DGKG: variants seen among roughly 807,000 people sequenced by gnomAD.
DGKG encodes DAG kinase gamma.
Under a neutral mutation model 105.3 loss-of-function variants are expected in DGKG, and 78 were observed. The ratio of observed to expected loss-of-function variants is 0.74; its 90% confidence interval spans 0.62 to 0.89. The LOEUF is 0.89. Among genes scored for constraint, DGKG ranks in the 40% least tolerant of loss-of-function variants. DGKG has a pLI of 0.00. For synonymous variants in DGKG, 346 were observed against 367.1 expected (o/e 0.94, Z 0.66); for missense variants, 958 against 1,020.1 (o/e 0.94, Z 0.83).
intron 24 of DGKG, chr3:186,158,328 C>T: frequency 1.1e-6 from 1 of 927,164 alleles, no homozygotes; most frequent in Non-Finnish European, 1.3e-6. Flanking sequence ...ATAGTTTAGG[C>T]TATATTCTAT....
Position 186,279,832 on chromosome 3 carries a change from C to A in DGKG, c.792+19G>T. On this transcript the variant is annotated intron_variant, in intron 9 of 24. Transcript: ENST00000265022. Reference sequence around the variant, plus strand: ...TCCTGAATGGCAAGAGATCTCTGAACTCCAGCTTGTTGACTTACAGAGTCA... The same window carrying A: ...TCCTGAATGGCAAGAGATCTCTGAAATCCAGCTTGTTGACTTACAGAGTCA... The A allele has an allele frequency of 6.2e-7, 1 of 1,610,942 alleles. No homozygotes were observed. Among genetic ancestry groups the A allele is most frequent in the Admixed American group, 1.7e-5 (1 of 59,334 alleles).
In DGKG at chr3:186,348,520, C is replaced by T. The variant is rs553637253; in HGVS notation, c.-249+13426G>A. On this transcript the variant is annotated intron_variant, in intron 1 of 24. Transcript: ENST00000265022. ...AGGCTGGAGTGCAGTGCTGTGATCACGGCTCACTGCAGTCTGCACCTCTTG... is the reference window on the plus strand; with the variant it reads ...AGGCTGGAGTGCAGTGCTGTGATCATGGCTCACTGCAGTCTGCACCTCTTG... Among the ~76,000 whole-genome samples the T allele has an allele frequency of 1.7e-3, 253 of 146,210 alleles. 2 individuals are homozygous for T. Among genetic ancestry groups the T allele is most frequent in the African/African-American group, 6.4e-3 (245 of 38,402 alleles).
intron 7 of DGKG, among the ~76,000 whole-genome samples, chr3:186,282,083 A>T (rs1722855343): frequency 6.6e-6 from 1 of 152,212 alleles, no homozygotes; most frequent in Admixed American, 6.5e-5. Flanking sequence ...AAATACTCGA[A>T]GGCCTATTGT....
chr3:186,235,170 C>G (rs1304658027), intron 20 of DGKG, among the ~76,000 whole-genome samples: 1 of 152,176 alleles, frequency 6.6e-6, no homozygotes, highest in East Asian at 1.9e-4. Flanking sequence ...GTCAGTTGCT[C>G]TGTCAGAATT....
chr3:186,291,103 T>A (rs935945842), intron 5 of DGKG, among the ~76,000 whole-genome samples: 2 of 152,208 alleles, frequency 1.3e-5, no homozygotes, highest in African/African-American at 4.8e-5. Flanking sequence ...AACCTAACTG[T>A]ACCTAAAAAC....
At chr3:186,269,769 T>C (rs2108583175) in intron 11 of DGKG, among the ~76,000 whole-genome samples, 1 of 152,300 alleles carries the variant, frequency 6.6e-6, no homozygotes, top group East Asian at 1.9e-4. Context: ...ACCTGTTTCC[T>C]GGGGAGCTGG....
At chr3:186,222,849 G>T (rs996451036) in intron 20 of DGKG, among the ~76,000 whole-genome samples, 2 of 150,852 alleles carry the variant, frequency 1.3e-5, no homozygotes, top group African/African-American at 4.9e-5. Flanking sequence ...GTGGTGGCGG[G>T]TGCATGTATT....
intron 21 of DGKG, among the ~76,000 whole-genome samples, chr3:186,205,428 C>T (rs559955247): frequency 1.3e-5 from 2 of 151,400 alleles, no homozygotes; most frequent in South Asian, 2.1e-4. Flanking sequence ...TAGTTGAAGG[C>T]GCCAGGCGCG....
At chr3:186,334,282 C>G (rs575231914) in intron 1 of DGKG, among the ~76,000 whole-genome samples, 86 of 152,248 alleles carry the variant, frequency 5.6e-4, no homozygotes, top group Non-Finnish European at 1.1e-3. Flanking sequence ...AGCCCATATT[C>G]CCCCACCCCA....
chr3:186,273,616 AC>A (rs1342030778), intron 10 of DGKG, among the ~76,000 whole-genome samples: 1 of 151,720 alleles, frequency 6.6e-6, no homozygotes, highest in Non-Finnish European at 1.5e-5. Flanking sequence ...CTCGTGATCC[AC>A]CCGTCTTGGC....
intron 1 of DGKG, among the ~76,000 whole-genome samples, chr3:186,341,415 G>A (rs1234001476): frequency 1.3e-5 from 2 of 152,224 alleles, no homozygotes; most frequent in Admixed American, 1.3e-4. Flanking sequence ...GGGAGGCTGA[G>A]GAAGGAAGAT....
chr3:186,157,124 G>A (rs1578599632), intron 24 of DGKG, among the ~76,000 whole-genome samples: 3 of 151,914 alleles, frequency 2.0e-5, no homozygotes, highest in African/African-American at 7.2e-5. Context: ...TAAAATATTG[G>A]TTATGGTTTA....
intron 24 of DGKG, among the ~76,000 whole-genome samples, chr3:186,154,593 C>T (rs771981735): frequency 2.8e-5 from 4 of 141,602 alleles, no homozygotes; most frequent in Admixed American, 7.6e-5. Context: ...TGCAGTGAGC[C>T]GAGATCGTGC....
At chr3:186,161,513 TGA>T in intron 24 of DGKG, 88 bp downstream of exon 24, 1 of 1,599,220 alleles carries the variant, frequency 6.3e-7, no homozygotes, top group Non-Finnish European at 8.5e-7. Context: ...CCTGTGACTC[TGA>T]GATTCAGTGA....
intron 10 of DGKG, among the ~76,000 whole-genome samples, chr3:186,274,723 T>C (rs11716589): frequency 0.31 from 46,824 of 151,952 alleles, 8,442 homozygotes; most frequent in Admixed American, 0.41. Flanking sequence ...GAACTCATCC[T>C]TTTTTATGGC....
At chr3:186,286,083 C>T (rs1231955807) in intron 6 of DGKG, among the ~76,000 whole-genome samples, 1 of 152,148 alleles carries the variant, frequency 6.6e-6, no homozygotes, top group Non-Finnish European at 1.5e-5. Flanking sequence ...CAGCCTGGTC[C>T]CCTTATTTCT....
chr3:186,282,640 G>A (rs985362471), intron 7 of DGKG, among the ~76,000 whole-genome samples: 1 of 151,988 alleles, frequency 6.6e-6, no homozygotes, highest in Admixed American at 6.5e-5. Context: ...AGCCTCCCGA[G>A]TAGCTGGGAC....
At chr3:186,338,706 T>C (rs1418518587) in intron 1 of DGKG, among the ~76,000 whole-genome samples, 2 of 152,180 alleles carry the variant, frequency 1.3e-5, no homozygotes, top group East Asian at 3.8e-4. Context: ...TTTTTAAAAA[T>C]TTGAAGGAAA....
intron 20 of DGKG, among the ~76,000 whole-genome samples, chr3:186,235,437 G>A (rs553512835): frequency 2.0e-5 from 3 of 152,318 alleles, no homozygotes; most frequent in East Asian, 1.9e-4. Context: ...CTAATTCAGG[G>A]CACAGAATGA....
Sources: allele counts gnomAD v4.1 joint callset (sites outside exome capture counted in the v4.1 genomes callset), GRCh38; gene constraint gnomAD v4.1.1; transcripts MANE v1.5; gene names NCBI Gene and HGNC (gene_info 2026-07-23, HGNC 2026-07-21).